Variants in ADAMTS6 observed in about 807,000 individuals in gnomAD.
ADAMTS6 encodes the protein A disintegrin and metalloproteinase with thrombospondin motifs 6.
In ADAMTS6, 23 loss-of-function variants were observed where a neutral mutation model predicts 144.3. The observed-to-expected ratio is 0.16, with a 90% CI of 0.11 to 0.23. The LOEUF is 0.23. ADAMTS6 is among the 10% of genes least tolerant of loss of function. The pLI, the probability that ADAMTS6 is intolerant of heterozygous loss-of-function variation, is 1.00. For missense variants in ADAMTS6, 999 were observed against 1,379.6 expected, an observed-to-expected ratio of 0.72 and a Z score of 4.37; for synonymous variants, 444 against 457.5, an observed-to-expected ratio of 0.97 and a Z score of 0.38.
intron 22 of ADAMTS6, among the ~76,000 whole-genome samples, chr5:65,182,403 C>A (rs1419833248): frequency 7.0e-6 from 1 of 142,624 alleles, no homozygotes; most frequent in African/African-American, 2.7e-5. Flanking sequence ...GAGACCGTGC[C>A]ACTACACTCC....
rs1188395842 is a variant in ADAMTS6 at position 65,230,668 on chromosome 5, CAT to C, written c.1934-4451_1934-4450del. 4.5e-5 allele frequency among the ~76,000 whole-genome samples: 4 copies of C among 88,090 alleles called. 1 individual carries two copies. Among genetic ancestry groups the C allele is most frequent in the Non-Finnish European group, 8.7e-5 (4 of 45,906 alleles). 57.8% of individuals were successfully genotyped at this position (88,090 alleles called of 152,430 possible). On this transcript the variant is annotated intron_variant, in intron 15 of 24. Transcript: ENST00000381055. ...ACATATGTATGAAATATATATAACA[CAT>C]ATGTATGAAATATATATAACACATA...
intron 9 of ADAMTS6, among the ~76,000 whole-genome samples, chr5:65,324,398 C>A (rs1488651093): frequency 3.3e-5 from 5 of 151,972 alleles, no homozygotes; most frequent in African/African-American, 1.2e-4. Flanking sequence ...ACACAAAAAG[C>A]AAACCACAGA....
chr5:65,424,341 CTT>C (rs1296427647), intron 7 of ADAMTS6, among the ~76,000 whole-genome samples: 1 of 152,182 alleles, frequency 6.6e-6, no homozygotes, highest in Non-Finnish European at 1.5e-5. Flanking sequence ...GAAAATCAAA[CTT>C]ATATATAAAG....
intron 7 of ADAMTS6, among the ~76,000 whole-genome samples, chr5:65,396,647 A>G (rs2150155885): frequency 6.6e-6 from 1 of 152,352 alleles, no homozygotes; most frequent in Admixed American, 6.5e-5. Flanking sequence ...TTTAGAAAAC[A>G]CTAAATACAT....
intron 22 of ADAMTS6, among the ~76,000 whole-genome samples, chr5:65,178,242 G>T (rs956782800): frequency 6.6e-6 from 1 of 152,152 alleles, no homozygotes; most frequent in African/African-American, 2.4e-5. Context: ...ATCAATCAGA[G>T]GGAGGAAAAA....
At chr5:65,463,301 A>G (rs532498694) in intron 3 of ADAMTS6, among the ~76,000 whole-genome samples, 1 of 152,290 alleles carries the variant, frequency 6.6e-6, no homozygotes, top group African/African-American at 2.4e-5. Context: ...ATCTTGGGAA[A>G]GGGCAGACCA....
chr5:65,324,198 A>G (rs1051081538), intron 9 of ADAMTS6, among the ~76,000 whole-genome samples: 27 of 152,222 alleles, frequency 1.8e-4, no homozygotes, highest in African/African-American at 6.0e-4. Context: ...TTGCAAACCA[A>G]CCAACTTTTT....
At chr5:65,406,261 C>T (rs1754473551) in intron 7 of ADAMTS6, among the ~76,000 whole-genome samples, 1 of 152,120 alleles carries the variant, frequency 6.6e-6, no homozygotes, top group Admixed American at 6.5e-5. Context: ...TTTGCCCATT[C>T]AGTATGATAT....
chr5:65,275,460 AAGAAAG>A (rs1226193761), intron 11 of ADAMTS6, among the ~76,000 whole-genome samples: 1 of 151,180 alleles, frequency 6.6e-6, no homozygotes, highest in African/African-American at 2.4e-5. Flanking sequence ...GAAAGAAAGA[AAGAAAG>A]AGAAAGAAAG....
At chr5:65,427,797 C>CA (rs777288291) in intron 7 of ADAMTS6, among the ~76,000 whole-genome samples, 18,105 of 86,950 alleles carry the variant, frequency 0.21, 1,471 homozygotes, top group Non-Finnish European at 0.29. Context: ...GACTCGGTCT[C>CA]AAAAAAAAAA....
At chr5:65,175,290 G>C (rs1753900637) in intron 22 of ADAMTS6, among the ~76,000 whole-genome samples, 1 of 151,090 alleles carries the variant, frequency 6.6e-6, no homozygotes, top group Admixed American at 6.6e-5. Context: ...GAAAGAGAGA[G>C]GCAGAGAGGC....
At chr5:65,385,518 C>T (rs779317676) in intron 7 of ADAMTS6, among the ~76,000 whole-genome samples, 18 of 152,104 alleles carry the variant, frequency 1.2e-4, no homozygotes, top group Non-Finnish European at 2.1e-4. Flanking sequence ...AAATCAATTG[C>T]TATGTATAAA....
intron 7 of ADAMTS6, among the ~76,000 whole-genome samples, chr5:65,428,975 A>G (rs1393171423): frequency 6.6e-6 from 1 of 152,210 alleles, no homozygotes; most frequent in Non-Finnish European, 1.5e-5. Context: ...CCCAAAATAC[A>G]GTACCTAGGC....
At chr5:65,327,494 T>A (rs1162647126) in intron 9 of ADAMTS6, among the ~76,000 whole-genome samples, 1 of 152,060 alleles carries the variant, frequency 6.6e-6, no homozygotes, top group Non-Finnish European at 1.5e-5. Flanking sequence ...AATCCAAGGA[T>A]TTTGTGGAAT....
At chr5:65,241,227 CTT>C (rs58991614) in intron 15 of ADAMTS6, among the ~76,000 whole-genome samples, 40 of 116,254 alleles carry the variant, frequency 3.4e-4, no homozygotes, top group African/African-American at 5.5e-4. Flanking sequence ...AGTATATTTC[CTT>C]TTTTTTTTTT....
intron 24 of ADAMTS6, among the ~76,000 whole-genome samples, chr5:65,162,695 T>C (rs1752856507): frequency 1.3e-5 from 2 of 151,836 alleles, no homozygotes; most frequent in Non-Finnish European, 2.9e-5. Context: ...ATGTGAGATA[T>C]ATAAGACAGA....
intron 3 of ADAMTS6, among the ~76,000 whole-genome samples, chr5:65,466,998 C>A (rs185717440): frequency 4.9e-4 from 73 of 149,656 alleles, no homozygotes; most frequent in African/African-American, 1.7e-3. Context: ...GCCAAGATTG[C>A]GCCACTGCAC....
intron 15 of ADAMTS6, among the ~76,000 whole-genome samples, chr5:65,232,714 C>T (rs1261716114): frequency 6.6e-6 from 1 of 151,072 alleles, no homozygotes; most frequent in Non-Finnish European, 1.5e-5. Flanking sequence ...AAAAAAACCT[C>T]TCATCAAATA....
chr5:65,359,784 G>A (rs1162935962), intron 7 of ADAMTS6, among the ~76,000 whole-genome samples: 1 of 151,914 alleles, frequency 6.6e-6, no homozygotes, highest in African/African-American at 2.4e-5. Context: ...ATACTGATTC[G>A]TGTAGAGTCT....
Sources: allele counts gnomAD v4.1 joint callset (sites outside exome capture counted in the v4.1 genomes callset), GRCh38; gene constraint gnomAD v4.1.1; transcripts MANE v1.5; gene names NCBI Gene and HGNC (gene_info 2026-07-23, HGNC 2026-07-21).